Variants in HIP1 observed in about 807,000 individuals in gnomAD.
HIP1 encodes huntingtin interacting protein 1, also known as huntingtin-interacting protein 1.
HIP1 carries 65 observed loss-of-function variants against 147.6 expected under a neutral mutation model. That is an observed-to-expected ratio of 0.44 (90% CI 0.36 to 0.54). The LOEUF is 0.54. Ranked by LOEUF, HIP1 falls within the 20% of genes least tolerant of loss-of-function variation. The pLI is 0.00. For synonymous variants in HIP1, 479 were observed against 504.0 expected (o/e 0.95, Z 0.67); for missense variants, 1,061 against 1,299.6 (o/e 0.82, Z 2.82).
intron 1 of HIP1, among the ~76,000 whole-genome samples, chr7:75,730,798 T>A (rs1801814399): frequency 6.7e-6 from 1 of 149,906 alleles, no homozygotes; most frequent in South Asian, 2.1e-4. Flanking sequence ...AGTGGTGTGA[T>A]CTCGGCTCAA....
At chr7:75,578,721 CT>C (rs1369916631) in intron 7 of HIP1, among the ~76,000 whole-genome samples, 21 of 152,140 alleles carry the variant, frequency 1.4e-4, no homozygotes, top group African/African-American at 4.8e-4. Context: ...CGAATGAATT[CT>C]GAATTATCCA....
chr7:75,577,332 C>CAAAAAAAAAAAAA lies in HIP1; in HGVS notation c.605-3444_605-3432dup, dbSNP rs61299057. Among the ~76,000 whole-genome samples the CAAAAAAAAAAAAA allele has an allele frequency of 2.6e-3, 247 of 96,632 alleles. 6 individuals carry two copies. Among genetic ancestry groups the CAAAAAAAAAAAAA allele is most frequent in the African/African-American group, 6.3e-3 (168 of 26,620 alleles). The allele number at this position is 96,632 out of a possible 152,430, so 63.4% of individuals were successfully genotyped here. A position where few individuals can be genotyped will look rare whatever the true frequency, so the allele number is the denominator to read the frequency against. ...CGGCGACAGAGTGAGATCCCATCTC[C>CAAAAAAAAAAAAA]AAAAAAAAAAAAACGAGAGAGAGAG... On this transcript the variant is annotated intron_variant, in intron 7 of 30. Transcript: ENST00000336926.
chr7:75,556,185 C>T lies in HIP1; in HGVS notation c.1684-16G>A, dbSNP rs199986021. ...TTGCTTCTGACTGCAAAGGTGACCA[C>T]AAGGAAAGAGGGAGACGCTGGTTGA... On this transcript the variant is annotated splice_polypyrimidine_tract_variant and intron_variant, in intron 17 of 30. Transcript: ENST00000336926. 1,335 of 1,613,160 alleles carry T rather than the reference C, an allele frequency of 8.3e-4. 3 individuals are homozygous for T. The highest frequency in any genetic ancestry group is 9.8e-4 in the Non-Finnish European group (1,160 of 1,179,622).
intron 1 of HIP1, chr7:75,611,678 C>T: frequency 9.8e-7 from 1 of 1,024,908 alleles, no homozygotes; most frequent in Non-Finnish European, 1.2e-6. Flanking sequence ...CTGGAGGGGG[C>T]TCTGGGTTAG....
At chr7:75,659,909 C>T (rs1009569673) in intron 1 of HIP1, among the ~76,000 whole-genome samples, 3 of 151,560 alleles carry the variant, frequency 2.0e-5, no homozygotes, top group Admixed American at 2.0e-4. Flanking sequence ...GGGTGGATCA[C>T]GAGGTCAAGA....
chr7:75,677,377 G>A (rs1306703804), intron 1 of HIP1, among the ~76,000 whole-genome samples: 2 of 149,872 alleles, frequency 1.3e-5, no homozygotes, highest in African/African-American at 2.5e-5. Flanking sequence ...AGGCCAAAGC[G>A]AGTTGATAAC....
intron 1 of HIP1, among the ~76,000 whole-genome samples, chr7:75,630,986 C>G (rs1395261513): frequency 2.6e-5 from 4 of 152,162 alleles, no homozygotes; most frequent in African/African-American, 4.8e-5. Context: ...CAGGGTCCTG[C>G]TCTGTCACCC....
intron 1 of HIP1, among the ~76,000 whole-genome samples, chr7:75,671,683 A>G (rs538250423): frequency 6.6e-6 from 1 of 152,128 alleles, no homozygotes; most frequent in African/African-American, 2.4e-5. Flanking sequence ...CCCTCCAATC[A>G]TGCACAAGGA....
At chr7:75,647,939 G>A (rs1285573017) in intron 1 of HIP1, among the ~76,000 whole-genome samples, 3 of 152,284 alleles carry the variant, frequency 2.0e-5, no homozygotes, top group African/African-American at 7.2e-5. Flanking sequence ...CCATCTCACT[G>A]AGCAGATACA....
intron 1 of HIP1, among the ~76,000 whole-genome samples, chr7:75,700,353 T>G (rs2240135): frequency 0.32 from 49,145 of 152,030 alleles, 8,146 homozygotes; most frequent in Non-Finnish European, 0.36. Flanking sequence ...CCTGGCCCTG[T>G]AGGCACTTGG....
At chr7:75,576,503 CTTGAGGTCAAGAGT>C (rs1795850755) in intron 7 of HIP1, among the ~76,000 whole-genome samples, 2 of 152,156 alleles carry the variant, frequency 1.3e-5, no homozygotes, top group Non-Finnish European at 2.9e-5. Flanking sequence ...GGGAGGACTG[CTTGAGGTCAAGAGT>C]TCGAGGCCAG....
chr7:75,663,877 G>A (rs1405356471), intron 1 of HIP1, among the ~76,000 whole-genome samples: 1 of 150,628 alleles, frequency 6.6e-6, no homozygotes, highest in African/African-American at 2.4e-5. Context: ...TCAGAACACA[G>A]GGAGGTGTCA....
At chr7:75,551,763 C>T (rs1234895717) in intron 22 of HIP1, among the ~76,000 whole-genome samples, 9 of 147,764 alleles carry the variant, frequency 6.1e-5, no homozygotes, top group African/African-American at 2.0e-4. Context: ...AGAGACAGGG[C>T]GCCACTAAGT....
At chr7:75,587,825 A>T (rs1224961164) in intron 4 of HIP1, among the ~76,000 whole-genome samples, 1 of 152,116 alleles carries the variant, frequency 6.6e-6, no homozygotes, top group Non-Finnish European at 1.5e-5. Flanking sequence ...TTAGCTGGGC[A>T]TGGTGGTGTG....
intron 1 of HIP1, among the ~76,000 whole-genome samples, chr7:75,682,427 G>GT (rs572136575): frequency 0.019 from 2,735 of 143,752 alleles, 30 homozygotes; most frequent in Admixed American, 0.036. Context: ...TAGCCAGCTA[G>GT]TTTTTTTTTT....
chr7:75,633,415 C>T (rs1798307820), intron 1 of HIP1, among the ~76,000 whole-genome samples: 1 of 152,132 alleles, frequency 6.6e-6, no homozygotes, highest in African/African-American at 2.4e-5. Flanking sequence ...GCCTCAGCCT[C>T]CCGAGCAGCT....
chr7:75,548,111 C>T (rs1236696548), intron 23 of HIP1, among the ~76,000 whole-genome samples: 5 of 152,120 alleles, frequency 3.3e-5, no homozygotes, highest in African/African-American at 1.2e-4. Flanking sequence ...TCACTGCAAC[C>T]TCCGCCTCCT....
rs1554495960 is a variant in HIP1, at chr7:75,568,319, G to A, written c.746-63C>T. 1 of 1,066,242 alleles carries A rather than the reference G, an allele frequency of 9.4e-7. No homozygotes were observed. 66.0% of individuals were successfully genotyped at this position (1,066,242 alleles called of 1,614,324 possible). On this transcript the variant is annotated intron_variant, in intron 8 of 30. Coordinates refer to ENST00000336926, the MANE Select transcript of HIP1 (RefSeq NM_005338.7). The surrounding 1 kb of genome is among the most constrained non-coding windows in gnomAD (Gnocchi z 4.1). ...ACCAGAGGGCAGGGAAGCCACAGCG[G>A]GGCTCTCGAGGGGGAGGGGCCCAGC...
At chr7:75,597,739 CA>C (rs782340180) in intron 2 of HIP1, among the ~76,000 whole-genome samples, 19 of 75,452 alleles carry the variant, frequency 2.5e-4, no homozygotes, top group South Asian at 5.1e-4. Context: ...GACTCTGTCT[CA>C]AAAAAAAAAA....
Sources: gnomAD v4.1 joint callset for allele counts (sites outside exome capture counted in the v4.1 genomes callset) on GRCh38, gnomAD v4.1.1 for gene constraint, Gnocchi (gnomAD v3.1) non-coding constraint, MANE v1.5 for transcripts, NCBI Gene and HGNC (gene_info 2026-07-23, HGNC 2026-07-21) for gene names.